Variants in ZNF804B observed in about 807,000 individuals in gnomAD.
ZNF804B encodes zinc finger protein 804B, also known as zinc finger 804B.
A neutral mutation model predicts 101.4 loss-of-function variants in ZNF804B; 80 were observed. That is an observed-to-expected ratio of 0.79 (90% confidence interval 0.66 to 0.95). The LOEUF is 0.95. Among genes scored for constraint, ZNF804B ranks in the 40% least tolerant of loss-of-function variants. ZNF804B has a pLI of 0.00. For synonymous variants in ZNF804B, 622 were observed against 558.8 expected (o/e 1.11, Z -1.59); for missense variants, 1,673 against 1,561.9 (o/e 1.07, Z -1.20).
rs142829918 is a variant in ZNF804B at position 89,270,068 on chromosome 7, A to C, written c.249+51773A>C. Reference sequence around the variant, plus strand: ...TGCTGTGCAGAAACTCTTTAGATTAATTAGATCCCATTCATCAGTTTTGGC... The same window carrying C: ...TGCTGTGCAGAAACTCTTTAGATTACTTAGATCCCATTCATCAGTTTTGGC... On this transcript the variant is annotated intron_variant, in intron 2 of 3. Coordinates refer to ENST00000333190, the MANE Select transcript of ZNF804B (RefSeq NM_181646.5). 6.6e-5 allele frequency among the ~76,000 whole-genome samples: 10 copies of C among 152,226 alleles called. No individual in the cohort carries two copies. The East Asian group carries it at 1.9e-3, about 29-fold the overall frequency.
At chr7:88,977,064 T>A (rs1252910290) in intron 1 of ZNF804B, among the ~76,000 whole-genome samples, 1 of 151,862 alleles carries the variant, frequency 6.6e-6, no homozygotes, top group African/African-American at 2.4e-5. Flanking sequence ...GAACCATTCT[T>A]ACATTACTGC....
intron 1 of ZNF804B, among the ~76,000 whole-genome samples, chr7:89,076,791 A>C (rs1036780995): frequency 5.9e-5 from 9 of 152,326 alleles, no homozygotes; most frequent in African/African-American, 2.2e-4. Flanking sequence ...GCAAACTGAA[A>C]GGGTGGATAA....
intron 1 of ZNF804B, among the ~76,000 whole-genome samples, chr7:89,153,102 TAAGAG>T (rs10561795): frequency 0.21 from 31,922 of 151,878 alleles, 3,381 homozygotes; most frequent in Middle Eastern, 0.24. Flanking sequence ...ATGTGTGAAC[TAAGAG>T]TTCATTTATT....
chr7:88,997,625 T>C (rs1788219293), intron 1 of ZNF804B, among the ~76,000 whole-genome samples: 1 of 152,110 alleles, frequency 6.6e-6, no homozygotes. Flanking sequence ...GTGTCATTTC[T>C]ACTGGCAGGG....
chr7:89,162,488 T>C (rs113124906), intron 1 of ZNF804B, among the ~76,000 whole-genome samples: 2,265 of 152,202 alleles, frequency 0.015, 50 homozygotes, highest in South Asian at 0.031. Flanking sequence ...GAAATAAAAT[T>C]CCCAATTGTT....
chr7:89,258,572 T>C (rs1789668494), intron 2 of ZNF804B, among the ~76,000 whole-genome samples: 1 of 152,102 alleles, frequency 6.6e-6, no homozygotes, highest in Admixed American at 6.6e-5. Context: ...AGATATACAA[T>C]TTACCCTTGA....
intron 1 of ZNF804B, among the ~76,000 whole-genome samples, chr7:89,000,417 G>A (rs1173796244): frequency 6.6e-6 from 1 of 151,862 alleles, no homozygotes; most frequent in Non-Finnish European, 1.5e-5. Flanking sequence ...CAGTACATCA[G>A]GTGTTTACTT....
At chr7:89,009,506 A>G (rs569784924) in intron 1 of ZNF804B, among the ~76,000 whole-genome samples, 6 of 152,170 alleles carry the variant, frequency 3.9e-5, no homozygotes, top group Admixed American at 6.6e-5. Flanking sequence ...TTGATGTGCA[A>G]TGGACTGAAT....
At chr7:89,190,316 CAA>C (rs920930018) in intron 1 of ZNF804B, among the ~76,000 whole-genome samples, 16 of 123,350 alleles carry the variant, frequency 1.3e-4, no homozygotes, top group African/African-American at 4.4e-4. Flanking sequence ...GCCTGGGCAA[CAA>C]GAGCAAAACT....
At chr7:89,310,160 G>C (rs1790630476) in intron 2 of ZNF804B, among the ~76,000 whole-genome samples, 1 of 151,662 alleles carries the variant, frequency 6.6e-6, no homozygotes, top group South Asian at 2.1e-4. Context: ...TCTGATGCTT[G>C]ACATTTCTCA....
chr7:88,764,701 T>C (rs944046872), intron 1 of ZNF804B, among the ~76,000 whole-genome samples: 7 of 152,140 alleles, frequency 4.6e-5, no homozygotes, highest in Non-Finnish European at 8.8e-5. Flanking sequence ...ATGCCTATAA[T>C]ATCTGACTGT....
intron 1 of ZNF804B, among the ~76,000 whole-genome samples, chr7:89,176,600 T>C (rs2115567248): frequency 6.8e-6 from 1 of 146,274 alleles, no homozygotes; most frequent in East Asian, 2.0e-4. Flanking sequence ...TCTTTTTTTT[T>C]TTTTTTTTCA....
At chr7:88,782,265 T>G (rs1240810875) in intron 1 of ZNF804B, among the ~76,000 whole-genome samples, 1 of 151,936 alleles carries the variant, frequency 6.6e-6, no homozygotes, top group Non-Finnish European at 1.5e-5. Context: ...CATGGGCAGC[T>G]CTATCAGAAG....
chr7:88,952,641 T>G (rs768703797), intron 1 of ZNF804B, among the ~76,000 whole-genome samples: 1 of 151,814 alleles, frequency 6.6e-6, no homozygotes, highest in Non-Finnish European at 1.5e-5. Flanking sequence ...TTGTTCTTAA[T>G]GATCAAAATA....
chr7:88,917,018 A>G (rs1294486567), intron 1 of ZNF804B, among the ~76,000 whole-genome samples: 2 of 152,142 alleles, frequency 1.3e-5, no homozygotes, highest in Admixed American at 6.6e-5. Context: ...TAATCCTAGC[A>G]CTTTGGGAGG....
Position 89,287,934 on chromosome 7 carries a change from G to GAAA in ZNF804B, c.250-39402_250-39400dup, listed in dbSNP as rs3061224. On this transcript the variant is annotated intron_variant, in intron 2 of 3. Transcript: ENST00000333190. ...TTCAGATAATTTAATAGATTTTCAG[G>GAAA]AAAAAAAAAACCACATACCACTTTC... Among the ~76,000 whole-genome samples, 1,155 of 149,034 alleles carry GAAA rather than the reference G, an allele frequency of 7.7e-3. 8 individuals are homozygous for GAAA. The highest frequency in any genetic ancestry group is 0.012 in the South Asian group (55 of 4,756).
intron 1 of ZNF804B, among the ~76,000 whole-genome samples, chr7:89,062,067 G>A (rs948400034): frequency 5.9e-5 from 9 of 151,996 alleles, no homozygotes; most frequent in African/African-American, 2.2e-4. Flanking sequence ...CCGTATCCAG[G>A]AGGCATCATC....
At chr7:89,009,394 G>A (rs184334364) in intron 1 of ZNF804B, among the ~76,000 whole-genome samples, 2 of 151,846 alleles carry the variant, frequency 1.3e-5, no homozygotes, top group Admixed American at 1.3e-4. Context: ...AATTCCATTT[G>A]CTCACAAGAT....
At position 88,763,593 on chromosome 7, in the gene ZNF804B, A is replaced by C. The variant is rs143244992; in HGVS notation, c.108+3509A>C. On this transcript the variant is annotated intron_variant, in intron 1 of 3. Transcript: ENST00000333190. ...AAAAAGAAAAATGAGAGAGGATTTT[A>C]TGGTGCTTAATGATAAAAGTCTCTA... Among the ~76,000 whole-genome samples, 679 of 152,040 alleles carry C rather than the reference A, an allele frequency of 4.5e-3. 46 individuals are homozygous for C. The South Asian group carries it at 0.11, about 26-fold the overall frequency.
Sources: allele counts gnomAD v4.1 joint callset (sites outside exome capture counted in the v4.1 genomes callset), GRCh38; gene constraint gnomAD v4.1.1; transcripts MANE v1.5; gene names NCBI Gene and HGNC (gene_info 2026-07-23, HGNC 2026-07-21).